Variants in CCSER1 observed in about 807,000 individuals in gnomAD.
The protein encoded by CCSER1 is coiled-coil serine rich protein 1.
In CCSER1, 41 loss-of-function variants were observed where a neutral mutation model predicts 82.0. That is an observed-to-expected ratio of 0.50 (90% CI 0.39 to 0.65). The LOEUF is 0.65. CCSER1 is among the 30% of genes least tolerant of loss of function. The probability of loss-of-function intolerance (pLI) is 0.00; values close to 1 mark genes in which losing one functional copy is unlikely to be tolerated. For missense variants in CCSER1, 1,119 were observed against 1,064.2 expected (o/e 1.05, Z -0.72); for synonymous variants, 414 against 383.9 (o/e 1.08, Z -0.92).
intron 9 of CCSER1, among the ~76,000 whole-genome samples, chr4:90,938,283 C>T (rs1287232342): frequency 2.0e-5 from 3 of 151,958 alleles, no homozygotes; most frequent in Non-Finnish European, 4.4e-5. Flanking sequence ...AGGACAGCCA[C>T]GTGAGACTTA....
At chr4:90,667,433 T>C (rs1220507854) in intron 6 of CCSER1, among the ~76,000 whole-genome samples, 1 of 152,140 alleles carries the variant, frequency 6.6e-6, no homozygotes, top group Non-Finnish European at 1.5e-5. Flanking sequence ...CATGGCGGTT[T>C]GCTGCACCCA....
chr4:90,898,269 CTTTTTTTTT>C (rs70963094), intron 8 of CCSER1, among the ~76,000 whole-genome samples: 6 of 52,542 alleles, frequency 1.1e-4, no homozygotes, highest in South Asian at 6.1e-4. Flanking sequence ...TTTAATCCAT[CTTTTTTTTT>C]TTTTTTTTTT....
chr4:91,355,911 G>A (rs972993239), intron 10 of CCSER1, among the ~76,000 whole-genome samples: 2 of 152,208 alleles, frequency 1.3e-5, no homozygotes, highest in Non-Finnish European at 2.9e-5. Flanking sequence ...GTAAGGTGGT[G>A]GGGTTAGGGT....
chr4:90,988,403 T>G lies in CCSER1; in HGVS notation c.2172+64956T>G, dbSNP rs559304930. On this transcript the variant is annotated intron_variant, in intron 9 of 10. Transcript: ENST00000509176. Reference sequence around the variant, plus strand: ...AGCTTAAATATCCTGGTCTTGACATTTTTTTTGGTTCATATAACATAATGT... The same window carrying G: ...AGCTTAAATATCCTGGTCTTGACATGTTTTTTGGTTCATATAACATAATGT... 8.6e-5 allele frequency among the ~76,000 whole-genome samples: 13 copies of G among 150,688 alleles called. 1 individual carries two copies. In the South Asian group the frequency reaches 2.7e-3, roughly 31 times the overall value.
chr4:91,265,936 G>T (rs935928091), intron 10 of CCSER1, among the ~76,000 whole-genome samples: 3 of 152,092 alleles, frequency 2.0e-5, no homozygotes, highest in Non-Finnish European at 4.4e-5. Context: ...ACAATCATGA[G>T]GGAAGGCAAA....
chr4:90,164,599 C>T (rs1730110033), intron 1 of CCSER1, among the ~76,000 whole-genome samples: 1 of 151,820 alleles, frequency 6.6e-6, no homozygotes, highest in East Asian at 1.9e-4. Context: ...AAGAATAGAT[C>T]CATAAAAAGA....
intron 6 of CCSER1, among the ~76,000 whole-genome samples, chr4:90,715,935 A>G (rs766570462): frequency 1.3e-5 from 2 of 151,954 alleles, no homozygotes; most frequent in Non-Finnish European, 2.9e-5. Flanking sequence ...ATATAACACT[A>G]GTTAACTACA....
At chr4:90,275,938 A>C (rs976326346) in intron 1 of CCSER1, among the ~76,000 whole-genome samples, 1 of 152,198 alleles carries the variant, frequency 6.6e-6, no homozygotes, top group Non-Finnish European at 1.5e-5. Context: ...TAAATTTTAT[A>C]TACTGAAATG....
chr4:91,036,585 A>G (rs1270996098), intron 9 of CCSER1, among the ~76,000 whole-genome samples: 1 of 152,160 alleles, frequency 6.6e-6, no homozygotes, highest in East Asian at 1.9e-4. Flanking sequence ...CACCTTCAAA[A>G]TATAGTAGTC....
At chr4:91,279,607 T>C (rs952259561) in intron 10 of CCSER1, among the ~76,000 whole-genome samples, 10 of 152,086 alleles carry the variant, frequency 6.6e-5, no homozygotes, top group Admixed American at 1.3e-4. Context: ...TTTTTTGTGA[T>C]ATCTATCTCT....
rs887857504 is a variant in CCSER1 at position 91,444,924 on chromosome 4, C to A, written c.2218-153648C>A. ...CTTCCTCACACTATGGCTAAACATT[C>A]CATTCACTTCAGTGTGCTGTGCTTC... On this transcript the variant is annotated intron_variant, in intron 10 of 10. Coordinates refer to ENST00000509176, the MANE Select transcript of CCSER1 (RefSeq NM_001145065.2). Among the ~76,000 whole-genome samples the A allele has an allele frequency of 2.0e-5, 3 of 152,322 alleles. No individual in the cohort carries two copies. The East Asian group carries it at 5.8e-4, about 29-fold the overall frequency.
Position 91,200,891 on chromosome 4 carries a change from AGTTAT to A in CCSER1, c.2217+114901_2217+114905del, listed in dbSNP as rs552712947. 2.1e-4 allele frequency among the ~76,000 whole-genome samples: 32 copies of A among 152,162 alleles called. 1 individual carries two copies. The South Asian group carries it at 6.2e-3, about 30-fold the overall frequency. On this transcript the variant is annotated intron_variant, in intron 10 of 10. Transcript: ENST00000509176. ...GTAATAAATGATGCATATTTCATAA[AGTTAT>A]GTTGTTTATTAATCTATTATTGTAG...
At chr4:90,376,585 C>T (rs1449846015) in intron 3 of CCSER1, among the ~76,000 whole-genome samples, 1 of 152,064 alleles carries the variant, frequency 6.6e-6, no homozygotes, top group Non-Finnish European at 1.5e-5. Flanking sequence ...TGTCTGGAAC[C>T]CTGGGGCACA....
chr4:91,582,706 C>A (rs1404145574), intron 10 of CCSER1, among the ~76,000 whole-genome samples: 1 of 151,308 alleles, frequency 6.6e-6, no homozygotes, highest in Non-Finnish European at 1.5e-5. Flanking sequence ...TTTGCACCAA[C>A]CTAATATCTA....
intron 10 of CCSER1, among the ~76,000 whole-genome samples, chr4:91,174,217 G>T (rs1269398766): frequency 1.3e-5 from 2 of 151,986 alleles, no homozygotes; most frequent in Non-Finnish European, 2.9e-5. Flanking sequence ...ATTTTGGATG[G>T]CAGTCTTTTC....
intron 5 of CCSER1, among the ~76,000 whole-genome samples, chr4:90,489,084 T>A (rs1333334227): frequency 6.6e-6 from 1 of 152,188 alleles, no homozygotes. Context: ...ATTAATACTA[T>A]GGGTAGACAG....
intron 9 of CCSER1, among the ~76,000 whole-genome samples, chr4:91,084,778 G>A (rs1187429340): frequency 6.6e-6 from 1 of 151,818 alleles, no homozygotes; most frequent in African/African-American, 2.4e-5. Flanking sequence ...CATTTTCTAG[G>A]GTCAAGAGAG....
intron 3 of CCSER1, among the ~76,000 whole-genome samples, chr4:90,387,714 TG>T (rs1325630923): frequency 6.6e-6 from 1 of 152,174 alleles, no homozygotes; most frequent in African/African-American, 2.4e-5. Context: ...CTTCCCTTTT[TG>T]GCAGTACTCC....
chr4:90,280,836 C>T (rs1036862619), intron 1 of CCSER1, among the ~76,000 whole-genome samples: 1 of 151,906 alleles, frequency 6.6e-6, no homozygotes, highest in Non-Finnish European at 1.5e-5. Flanking sequence ...CATTGGAACA[C>T]TTCCAATAAT....
Sources: gnomAD v4.1 joint callset for allele counts (sites outside exome capture counted in the v4.1 genomes callset) on GRCh38, gnomAD v4.1.1 for gene constraint, MANE v1.5 for transcripts, NCBI Gene and HGNC (gene_info 2026-07-23, HGNC 2026-07-21) for gene names.